The following LGR6 variants were observed in gnomAD, a reference collection of about 807,000 sequenced individuals.
LGR6 encodes the protein leucine rich repeat containing G protein-coupled receptor 6.
In LGR6, 45 loss-of-function variants were observed where a neutral mutation model predicts 69.4. That is an observed-to-expected ratio of 0.65 (90% CI 0.51 to 0.83). The LOEUF is 0.83. LGR6 is among the 40% of genes least tolerant of loss of function. LGR6 has a pLI of 0.00. For synonymous variants in LGR6, 538 were observed against 555.0 expected (o/e 0.97, Z 0.43); for missense variants, 1,108 against 1,246.7 (o/e 0.89, Z 1.68).
At chr1:202,285,439 C>A (rs980074047) in intron 6 of LGR6, among the ~76,000 whole-genome samples, 1 of 152,218 alleles carries the variant, frequency 6.6e-6, no homozygotes, top group African/African-American at 2.4e-5. Flanking sequence ...GCTTTGCCAC[C>A]AGCATGTGAC....
rs2148332907 is a variant in LGR6, at chr1:202,319,385, C to G, written c.*178C>G. ...CTGTGACCATCACCAACGGGTGCCT[C>G]TTGGCCTGGCTTTCCCTTGGCCTTC... On this transcript the variant is annotated 3_prime_UTR_variant, in exon 18 of 18. Coordinates refer to ENST00000367278, the MANE Select transcript of LGR6 (RefSeq NM_001017403.2). 6.6e-6 allele frequency: 4 copies of G among 602,376 alleles called. No individual in the cohort carries two copies. The South Asian group carries it at 8.6e-5, about 13-fold the overall frequency. 37.3% of individuals were successfully genotyped at this position (602,376 alleles called of 1,614,324 possible). A position where few individuals can be genotyped will look rare whatever the true frequency, so the allele number is the denominator to read the frequency against.
rs748306103 is a variant in LGR6, at chr1:202,307,284, C to T, written c.1209-46C>T. On this transcript the variant is annotated intron_variant, in intron 13 of 17. Coordinates refer to ENST00000367278, the MANE Select transcript of LGR6 (RefSeq NM_001017403.2). Reference sequence around the variant, plus strand: ...GAGCCCATGATGGGAACAGTGAGTCCTCCACATGTTACTGTCCCCTCCTGT... The same window carrying T: ...GAGCCCATGATGGGAACAGTGAGTCTTCCACATGTTACTGTCCCCTCCTGT... 4.7e-5 allele frequency: 74 copies of T among 1,561,048 alleles called. 1 individual carries two copies. The South Asian group carries it at 8.1e-4, about 17-fold the overall frequency.
At chr1:202,198,745 A>G (rs1658732841) in intron 1 of LGR6, among the ~76,000 whole-genome samples, 1 of 150,616 alleles carries the variant, frequency 6.6e-6, no homozygotes, top group Non-Finnish European at 1.5e-5. Flanking sequence ...ACCTGATGGA[A>G]GACGCCAGCA....
At position 202,319,239 on chromosome 1, in the gene LGR6, T is replaced by C. The variant is rs368634203; in HGVS notation, c.*32T>C. The C allele has an allele frequency of 1.1e-4, 171 of 1,528,440 alleles. No individual in the cohort carries two copies. The highest frequency in any genetic ancestry group is 1.4e-4 in the Non-Finnish European group (164 of 1,139,428). 94.7% of individuals were successfully genotyped at this position (1,528,440 alleles called of 1,614,324 possible). ...CTCCCCATTCTTCTCTTCCCCTCTCTTCCCTTTCCTCTCTCCCCCTCGGTG... is the reference window on the plus strand; with the variant it reads ...CTCCCCATTCTTCTCTTCCCCTCTCCTCCCTTTCCTCTCTCCCCCTCGGTG... On this transcript the variant is annotated 3_prime_UTR_variant, in exon 18 of 18. Transcript: ENST00000367278.
chr1:202,193,960 G>A lies in LGR6; in HGVS notation c.-30G>A, dbSNP rs1370986746. 6 of 1,291,792 alleles carry A rather than the reference G, an allele frequency of 4.6e-6. No individual in the cohort carries two copies. The highest frequency in any genetic ancestry group is 3.9e-5 in the Admixed American group (1 of 25,584). The allele number at this position is 1,291,792 out of a possible 1,614,324, so 80.0% of individuals were successfully genotyped here. ...TCGCGCCGTGCGTCCGCGCCCGGCC[G>A]CCAGGTGCCCCAGTAGCCCGACCGC... is the stretch of plus-strand genomic sequence containing the variant. On this transcript the variant is annotated 5_prime_UTR_variant, in exon 1 of 18. Transcript: ENST00000367278.
rs147728772 is a variant in LGR6, at chr1:202,318,838, A to G, written c.2535A>G (p.Ala845=). The G allele has an allele frequency of 1.0e-3, 1,616 of 1,613,390 alleles. 20 individuals are homozygous for G. In the African/African-American group the frequency reaches 0.019, roughly 19 times the overall value. Residue 845 remains alanine, a synonymous_variant, in exon 18 of 18, where the codon GCA becomes GCG. Coordinates refer to ENST00000367278, the MANE Select transcript of LGR6 (RefSeq NM_001017403.2). ...ACCTTCGGCGGCTTCGGCCCCGCGC[A>G]GGGGACTCAGGGCCCCTAGCCTATG... ...RDDLRRLRPR[A]GDSGPLAYAA... is the part of the protein sequence containing the mutation.
At chr1:202,260,993 G>T (rs1169542548) in intron 4 of LGR6, among the ~76,000 whole-genome samples, 2 of 151,946 alleles carry the variant, frequency 1.3e-5, no homozygotes, top group Admixed American at 1.3e-4. Context: ...GCCAGAATGT[G>T]TTGAGGTATT....
At chr1:202,244,568 C>G (rs1298820510) in intron 4 of LGR6, among the ~76,000 whole-genome samples, 1 of 152,132 alleles carries the variant, frequency 6.6e-6, no homozygotes, top group South Asian at 2.1e-4. Context: ...TGCCTTCTGC[C>G]TTCACGTAGC....
chr1:202,198,965 G>T (rs1658740954), intron 1 of LGR6, among the ~76,000 whole-genome samples: 1 of 152,090 alleles, frequency 6.6e-6, no homozygotes, highest in African/African-American at 2.4e-5. Flanking sequence ...GATTCTAAAA[G>T]TTTGACTCCT....
chr1:202,316,810 C>A (rs1220950930), intron 17 of LGR6, among the ~76,000 whole-genome samples: 1 of 152,044 alleles, frequency 6.6e-6, no homozygotes, highest in African/African-American at 2.4e-5. Flanking sequence ...CATTGAAGAA[C>A]AAGAGTGGAA....
chr1:202,199,534 AAGCCTGGCTCAGAGCAG>A (rs1658761524), intron 1 of LGR6, among the ~76,000 whole-genome samples: 1 of 152,140 alleles, frequency 6.6e-6, no homozygotes, highest in African/African-American at 2.4e-5. Context: ...GAGGAGAAGA[AAGCCTGGCTCAGAGCAG>A]AGTTGGCCCC....
At chr1:202,255,699 C>T (rs1378228905) in intron 4 of LGR6, among the ~76,000 whole-genome samples, 2 of 152,162 alleles carry the variant, frequency 1.3e-5, no homozygotes, top group African/African-American at 4.8e-5. Context: ...TTCTACCACC[C>T]AGACACAATG....
At chr1:202,271,103 T>C (rs1384865025) in intron 4 of LGR6, among the ~76,000 whole-genome samples, 2 of 152,174 alleles carry the variant, frequency 1.3e-5, no homozygotes, top group African/African-American at 4.8e-5. Flanking sequence ...TGGGGGTTGT[T>C]GATTCTGTTC....
Position 202,214,382 on chromosome 1 carries a change from C to T in LGR6, c.213-11041C>T, listed in dbSNP as rs1659618356. The stretch of plus-strand genomic sequence containing the variant: ...CCTTCCATTGTTCTGGGAGCCGAGG[C>T]CGCCTCCCCACTTCCGGACCCTTTC... On this transcript the variant is annotated intron_variant, in intron 1 of 17. Coordinates refer to ENST00000367278, the MANE Select transcript of LGR6 (RefSeq NM_001017403.2). 6 of 849,258 alleles carry T rather than the reference C, an allele frequency of 7.1e-6. No individual in the cohort carries two copies. The East Asian group carries it at 2.0e-4, about 29-fold the overall frequency. 52.6% of individuals were successfully genotyped at this position (849,258 alleles called of 1,614,324 possible). A position where few individuals can be genotyped will look rare whatever the true frequency, so the allele number is the denominator to read the frequency against.
chr1:202,195,331 G>T (rs2147882233), intron 1 of LGR6, among the ~76,000 whole-genome samples: 1 of 152,330 alleles, frequency 6.6e-6, no homozygotes, highest in Admixed American at 6.5e-5. Flanking sequence ...TGGAACTAAA[G>T]ATGCTCAGTG....
chr1:202,287,852 G>A (rs1429301725), intron 6 of LGR6, among the ~76,000 whole-genome samples: 1 of 152,182 alleles, frequency 6.6e-6, no homozygotes, highest in Non-Finnish European at 1.5e-5. Flanking sequence ...CTGGGTTATT[G>A]CAGTGGCCTT....
Position 202,204,328 on chromosome 1 carries a change from T to A in LGR6, c.212+10127T>A, listed in dbSNP as rs200017437. ...CACACACCCAACACACACCTCCTCCTAACACACACACCTCCACACACACAC... is the reference window on the plus strand; with the variant it reads ...CACACACCCAACACACACCTCCTCCAAACACACACACCTCCACACACACAC... On this transcript the variant is annotated intron_variant, in intron 1 of 17. Coordinates refer to ENST00000367278, the MANE Select transcript of LGR6 (RefSeq NM_001017403.2). Among the ~76,000 whole-genome samples the A allele has an allele frequency of 7.8e-3, 317 of 40,522 alleles. 2 individuals carry two copies. Among genetic ancestry groups the A allele is most frequent in the South Asian group, 0.039 (49 of 1,252 alleles). The allele number at this position is 40,522 out of a possible 152,430, so 26.6% of individuals were successfully genotyped here.
At chr1:202,255,441 A>G (rs1414802772) in intron 4 of LGR6, among the ~76,000 whole-genome samples, 2 of 152,118 alleles carry the variant, frequency 1.3e-5, no homozygotes, top group African/African-American at 4.8e-5. Context: ...GGTGAAATGA[A>G]GCAAATAAAT....
Position 202,276,438 on chromosome 1 carries a change from C to G in LGR6, c.561C>G (p.Ala187=), listed in dbSNP as rs757675780. 1 of 1,614,190 alleles carries G rather than the reference C, an allele frequency of 6.2e-7. No individual in the cohort carries two copies. Among genetic ancestry groups the G allele is most frequent in the Non-Finnish European group, 8.5e-7 (1 of 1,180,020 alleles). Reference sequence around the variant, plus strand: ...TCAGGGCCCTCAACAACCTCCCTGCCCTGCAGGCCATGACCCTGGCCCTCA... The same window carrying G: ...TCAGGGCCCTCAACAACCTCCCTGCGCTGCAGGCCATGACCCTGGCCCTCA... ...IPVRALNNLP[A]LQAMTLALNR... Residue 187 remains alanine, a synonymous_variant, in exon 5 of 18, where the codon GCC becomes GCG. Coordinates refer to ENST00000367278, the MANE Select transcript of LGR6 (RefSeq NM_001017403.2).
Sources: allele counts gnomAD v4.1 joint callset (sites outside exome capture counted in the v4.1 genomes callset), GRCh38; gene constraint gnomAD v4.1.1; transcripts MANE v1.5; gene names NCBI Gene and HGNC (gene_info 2026-07-23, HGNC 2026-07-21).